BAZ2B: variants seen among roughly 807,000 people sequenced by gnomAD.
The protein encoded by BAZ2B is bromodomain adjacent to zinc finger domain protein 2B.
Under a neutral mutation model 246.0 loss-of-function variants are expected in BAZ2B, and 91 were observed. The observed-to-expected ratio is 0.37, with a 90% CI of 0.31 to 0.44. The LOEUF is 0.44. BAZ2B is among the 20% of genes least tolerant of loss of function. BAZ2B has a pLI of 1.00. For missense variants in BAZ2B, 2,332 were observed against 2,533.7 expected, an observed-to-expected ratio of 0.92 and a Z score of 1.71; for synonymous variants, 855 against 860.0, an observed-to-expected ratio of 0.99 and a Z score of 0.10.
chr2:159,577,804 A>C (rs934213425), intron 1 of BAZ2B, among the ~76,000 whole-genome samples: 1 of 152,234 alleles, frequency 6.6e-6, no homozygotes, highest in South Asian at 2.1e-4. Flanking sequence ...GAAAGGCTAA[A>C]GAAATAGCTA....
the BAZ2B span, among the ~76,000 whole-genome samples, chr2:159,654,700 C>A: frequency 6.6e-6 from 1 of 152,236 alleles, no homozygotes; most frequent in East Asian, 1.9e-4. Context: ...ACAGGCCGGG[C>A]ATGGTGGCTC....
chr2:159,679,287 A>AAG, the BAZ2B span, among the ~76,000 whole-genome samples: 1 of 139,910 alleles, frequency 7.1e-6, no homozygotes, highest in East Asian at 2.1e-4. Flanking sequence ...AAAAAAAAAA[A>AAG]AAAAAAAGAT....
chr2:159,344,147 TA>T (rs1386291425), intron 31 of BAZ2B, among the ~76,000 whole-genome samples: 1 of 151,904 alleles, frequency 6.6e-6, no homozygotes, highest in African/African-American at 2.4e-5. Flanking sequence ...TGAAGAACAG[TA>T]TGTAGGTTCC....
Position 159,320,202 on chromosome 2 carries a change from T to C in BAZ2B, c.*63A>G. On this transcript the variant is annotated 3_prime_UTR_variant, in exon 37 of 37. Coordinates refer to ENST00000392783, the MANE Select transcript of BAZ2B (RefSeq NM_013450.4). ...GCCTTGCACGTTTATGTAAATACAG[T>C]TCACATTGCTGGTCTCATTTGTCCT... 7.3e-7 allele frequency: 1 copy of C among 1,373,784 alleles called. No individual in the cohort carries two copies. The highest frequency in any genetic ancestry group is 9.6e-7 in the Non-Finnish European group (1 of 1,042,506). The allele number at this position is 1,373,784 out of a possible 1,614,324, so 85.1% of individuals were successfully genotyped here. A position where few individuals can be genotyped will look rare whatever the true frequency, so the allele number is the denominator to read the frequency against.
intron 2 of BAZ2B, among the ~76,000 whole-genome samples, chr2:159,530,395 A>C (rs1302953297): frequency 6.6e-6 from 1 of 152,222 alleles, no homozygotes; most frequent in Non-Finnish European, 1.5e-5. Context: ...CTTAAAACGG[A>C]AAGAAATGCT....
At chr2:159,375,668 T>C (rs963544501) in intron 25 of BAZ2B, among the ~76,000 whole-genome samples, 3 of 152,040 alleles carry the variant, frequency 2.0e-5, no homozygotes, top group Non-Finnish European at 4.4e-5. Flanking sequence ...AGGAGGGATA[T>C]GGTTCTTACT....
At chr2:159,360,152 G>C (rs1263454216) in intron 27 of BAZ2B, among the ~76,000 whole-genome samples, 1 of 152,212 alleles carries the variant, frequency 6.6e-6, no homozygotes, top group Admixed American at 6.5e-5. Flanking sequence ...AATAGGAAGA[G>C]AGGAAGTCAA....
chr2:159,508,333 C>T (rs2151162853), intron 2 of BAZ2B, among the ~76,000 whole-genome samples: 1 of 152,280 alleles, frequency 6.6e-6, no homozygotes, highest in Non-Finnish European at 1.5e-5. Flanking sequence ...TTCTTACTTT[C>T]TTGCCAGATC....
chr2:159,484,900 A>AT (rs1360038337), intron 2 of BAZ2B, among the ~76,000 whole-genome samples: 1 of 152,162 alleles, frequency 6.6e-6, no homozygotes, highest in Non-Finnish European at 1.5e-5. Flanking sequence ...AGACTTAGAT[A>AT]TTTTTCCTGA....
At chr2:159,656,476 C>A in the BAZ2B span, among the ~76,000 whole-genome samples, 3 of 152,076 alleles carry the variant, frequency 2.0e-5, no homozygotes, top group African/African-American at 7.2e-5. Context: ...TTGTGTTACA[C>A]CCATTTATCC....
chr2:159,523,388 C>A (rs60485603), intron 2 of BAZ2B, among the ~76,000 whole-genome samples: 12,478 of 151,172 alleles, frequency 0.083, 759 homozygotes, highest in East Asian at 0.28. Context: ...GGTGACAGAG[C>A]AAGACCCTGT....
chr2:159,512,602 C>T (rs1038396028), intron 2 of BAZ2B, among the ~76,000 whole-genome samples: 6 of 152,096 alleles, frequency 3.9e-5, no homozygotes, highest in Admixed American at 3.3e-4. Flanking sequence ...TGTCTTTGTG[C>T]CCTTAATCTT....
chr2:159,462,501 C>T, intron 3 of BAZ2B: 1 of 1,000,172 alleles, frequency 1.0e-6, no homozygotes, highest in Middle Eastern at 2.1e-4. Context: ...AATGTGGTAT[C>T]TGACATTGTT....
chr2:159,332,811 C>T, intron 33 of BAZ2B, 125 bp from the exon 34 acceptor site: 1 of 1,101,082 alleles, frequency 9.1e-7, no homozygotes, highest in Non-Finnish European at 1.3e-6. Context: ...TACAAATATA[C>T]AGTAGCCATA....
In BAZ2B at chr2:159,590,012, C is replaced by A. The variant is rs1158473301; in HGVS notation, c.-46+26230G>T. On this transcript the variant is annotated intron_variant, in intron 1 of 36. Transcript: ENST00000392783. ...GACCAGCCTGGCCAATGTGGTGAAA[C>A]CCCATCTCTACTGAAAATACAAAAA... 5.9e-5 allele frequency among the ~76,000 whole-genome samples: 9 copies of A among 151,582 alleles called. No individual in the cohort carries two copies. In the East Asian group the frequency reaches 1.6e-3, roughly 26 times the overall value.
chr2:159,324,680 ACACACACACCTGC>A, intron 36 of BAZ2B, 118 bp downstream of exon 36: 1 of 215,396 alleles, frequency 4.6e-6, no homozygotes. Flanking sequence ...ACACACACAC[ACACACACACCTGC>A]CTCAAAGGCA....
rs76177576 is a variant in BAZ2B, at chr2:159,446,911, T to C, written c.567A>G (p.Leu189=). The stretch of plus-strand genomic sequence containing the variant: ...CCATGGAACTTGAAGCAGTAGTGGA[T>C]AGTACAGATGTGTTGATACCAATTA... ...SSVIGINTSV[L]STTASSSMGQ... The change falls in exon 6 of 37, where the codon CTA becomes CTG. Residue 189 remains leucine (L), a synonymous_variant. Transcript: ENST00000392783. 3 of 1,613,442 alleles carry C rather than the reference T, an allele frequency of 1.9e-6. No individual in the cohort carries two copies. Among genetic ancestry groups the C allele is most frequent in the African/African-American group, 2.7e-5 (2 of 74,896 alleles).
At chr2:159,382,943 A>G (rs1250313355) in intron 24 of BAZ2B, 141 bp from the exon 25 acceptor site, 2 of 1,158,578 alleles carry the variant, frequency 1.7e-6, no homozygotes, top group Admixed American at 3.1e-5. Flanking sequence ...AAAAAAAATT[A>G]GAATTAGGAA....
chr2:159,339,208 CT>C (rs5835741), intron 31 of BAZ2B, among the ~76,000 whole-genome samples: 137,944 of 152,080 alleles, frequency 0.91, 64,112 homozygotes, highest in East Asian at 1. Context: ...CTCCAATGCC[CT>C]CCCCGTCCCT....
Sources: allele counts gnomAD v4.1 joint callset (sites outside exome capture counted in the v4.1 genomes callset), GRCh38; gene constraint gnomAD v4.1.1; transcripts MANE v1.5; gene names NCBI Gene and HGNC (gene_info 2026-07-23, HGNC 2026-07-21).